DBN1: variants seen among roughly 807,000 people sequenced by gnomAD.
DBN1 encodes drebrin.
Under a neutral mutation model 83.5 loss-of-function variants are expected in DBN1, and 21 were observed. That is an observed-to-expected ratio of 0.25 (90% CI 0.18 to 0.36). The LOEUF (loss-of-function observed/expected upper bound fraction) is 0.36, where lower values mean the gene tolerates loss of function less well. DBN1 is among the 10% of genes least tolerant of loss of function. The pLI is 1.00. For missense variants in DBN1, 874 were observed against 935.7 expected, an observed-to-expected ratio of 0.93 and a Z score of 0.86; for synonymous variants, 381 against 384.9, an observed-to-expected ratio of 0.99 and a Z score of 0.12.
Position 177,467,000 on chromosome 5 carries a change from G to C in DBN1, c.618C>G (p.Phe206Leu). The stretch of plus-strand genomic sequence containing the variant: ...GCTCCTGCTCCATCCGCTCCTGCTC[G>C]AACCTGAGCCTCTCATCCAGGGCCT... ...RKKALDERLR[F>L]EQERMEQERQ... is the part of the protein sequence containing the mutation. Residue 206 changes from phenylalanine (F) to leucine (L), a missense_variant, in exon 7 of 15, where the codon TTC becomes TTG. Transcript: ENST00000393565. This position sits in a 1 kb window ranked among gnomAD's most constrained non-coding sequence, Gnocchi z 4.8. 1.2e-6 allele frequency: 2 copies of C among 1,613,608 alleles called. No individual in the cohort carries two copies. The highest frequency in any genetic ancestry group is 1.7e-6 in the Non-Finnish European group (2 of 1,179,906).
chr5:177,461,768 T>C (rs973704276), intron 8 of DBN1, among the ~76,000 whole-genome samples: 2 of 152,194 alleles, frequency 1.3e-5, no homozygotes, highest in East Asian at 1.9e-4. Context: ...TGAAAGGACC[T>C]TTCCAAAATG....
At chr5:177,463,566 A>G (rs1757198218) in intron 8 of DBN1, among the ~76,000 whole-genome samples, 1 of 152,210 alleles carries the variant, frequency 6.6e-6, no homozygotes, top group African/African-American at 2.4e-5. Context: ...GCCAAGAGAA[A>G]GCATTTCACA....
intron 8 of DBN1, among the ~76,000 whole-genome samples, chr5:177,462,904 T>C (rs1327729735): frequency 1.3e-5 from 2 of 152,070 alleles, no homozygotes; most frequent in Non-Finnish European, 2.9e-5. Context: ...GCCCACGGGG[T>C]TCCAGTCAGC....
Position 177,473,418 on chromosome 5 carries a change from CG to C in DBN1, c.86+17del. The stretch of plus-strand genomic sequence containing the variant: ...GGCGCGGGGACAAAGGGGCCGGGGG[CG>C]GGGGCGGGGGGCTCACCAGTCGGCC... On this transcript the variant is annotated intron_variant, in intron 1 of 14. Transcript: ENST00000393565. 3 of 1,295,078 alleles carry C rather than the reference CG, an allele frequency of 2.3e-6. No homozygotes were observed. Among genetic ancestry groups the C allele is most frequent in the East Asian group, 3.2e-5 (1 of 31,394 alleles). 80.2% of individuals were successfully genotyped at this position (1,295,078 alleles called of 1,614,324 possible).
In DBN1 at chr5:177,466,339, GGCTGCTCCCAGGGAGAT is replaced by G. The variant is rs1757438968; in HGVS notation, c.771+416_771+432del. ...TCAGACAGTACCCCTGGAACAAAGG[GGCTGCTCCCAGGGAGAT>G]GCTGCTCCCAAGGAGATGGTACACA... On this transcript the variant is annotated intron_variant, in intron 8 of 14. Transcript: ENST00000393565. The surrounding 1 kb of genome is among the most constrained non-coding windows in gnomAD (Gnocchi z 4.8). 6.6e-6 allele frequency among the ~76,000 whole-genome samples: 1 copy of G among 152,208 alleles called. No homozygotes were observed. The highest frequency in any genetic ancestry group is 2.1e-4 in the South Asian group (1 of 4,828).
rs1161537009 is a variant in DBN1, at chr5:177,458,501, C to T, written c.1471G>A (p.Glu491Lys). Reference protein sequence around the residue: ...PVEPATADATEIHDAADTIET... With the variant: ...PVEPATADATKIHDAADTIET... ...ATGGTGTCAGCTGCATCGTGGATCT[C>T]CGTGGCGTCAGCTGTGGCAGGCTCC... is the stretch of plus-strand genomic sequence containing the variant. Residue 491 changes from glutamate (E) to lysine (K), a missense_variant, in exon 13 of 15, where the codon GAG becomes AAG. This residue lies in a region of DBN1 where 725 missense variants were observed against 719.7 expected (regional missense o/e 1.01). Coordinates refer to ENST00000393565, the MANE Select transcript of DBN1 (RefSeq NM_001363541.2). 1 of 1,613,734 alleles carries T rather than the reference C, an allele frequency of 6.2e-7. No homozygotes were observed. The highest frequency in any genetic ancestry group is 8.5e-7 in the Non-Finnish European group (1 of 1,179,614).
chr5:177,460,743 C>A (rs758323551), intron 8 of DBN1, 40 bp from the exon 9 acceptor site: 9 of 1,603,676 alleles, frequency 5.6e-6, no homozygotes, highest in South Asian at 2.2e-5. Context: ...ACCTACCCCC[C>A]ACAGGGGCTT....
chr5:177,460,886 C>T (rs575131834), intron 8 of DBN1, among the ~76,000 whole-genome samples, 183 bp from the exon 9 acceptor site: 1 of 152,154 alleles, frequency 6.6e-6, no homozygotes, highest in East Asian at 1.9e-4. Flanking sequence ...CTCAAGCAAT[C>T]CTCCCACCTC....
chr5:177,465,160 T>C (rs1757357384), intron 8 of DBN1, among the ~76,000 whole-genome samples: 1 of 151,964 alleles, frequency 6.6e-6, no homozygotes, highest in Non-Finnish European at 1.5e-5. Context: ...CTCAAAAAAA[T>C]TTAAAAAATA....
rs1581732984 is a variant in DBN1 at position 177,467,906 on chromosome 5, T to G, written c.256-89A>C. 1 of 1,493,552 alleles carries G rather than the reference T, an allele frequency of 6.7e-7. No individual in the cohort carries two copies. Among genetic ancestry groups the G allele is most frequent in the South Asian group, 1.2e-5 (1 of 85,756 alleles). 92.5% of individuals were successfully genotyped at this position (1,493,552 alleles called of 1,614,324 possible). ...CATCTTCCCCGGGGTGGGAAGAGGG[T>G]GGGCTTCCCTCTCCACGGGTGTCAG... is the stretch of plus-strand genomic sequence containing the variant. On this transcript the variant is annotated intron_variant, in intron 3 of 14. Transcript: ENST00000393565. The surrounding 1 kb of genome is among the most constrained non-coding windows in gnomAD (Gnocchi z 9.1).
At chr5:177,462,576 T>A (rs960564765) in intron 8 of DBN1, among the ~76,000 whole-genome samples, 5 of 151,986 alleles carry the variant, frequency 3.3e-5, no homozygotes, top group Non-Finnish European at 4.4e-5. Flanking sequence ...TCCGGGTGGG[T>A]GGCCAGCACA....
rs1185920337 is a variant in DBN1, at chr5:177,456,613, G to A, written c.*820C>T. The A allele has an allele frequency of 7.0e-6, 1 of 142,946 alleles. No homozygotes were observed. Among genetic ancestry groups the A allele is most frequent in the African/African-American group, 2.6e-5 (1 of 38,468 alleles). The allele number at this position is 142,946 out of a possible 1,614,324, so 8.9% of individuals were successfully genotyped here. A position where few individuals can be genotyped will look rare whatever the true frequency, so the allele number is the denominator to read the frequency against. On this transcript the variant is annotated 3_prime_UTR_variant, in exon 15 of 15. Coordinates refer to ENST00000393565, the MANE Select transcript of DBN1 (RefSeq NM_001363541.2). ...GGTCAGGGCAGGCGGCAGCCCGAAG[G>A]GATCTGGATTTCTTTATTAACAGAC... is the stretch of plus-strand genomic sequence containing the variant.
At chr5:177,464,511 G>C (rs942450318) in intron 8 of DBN1, among the ~76,000 whole-genome samples, 3 of 151,890 alleles carry the variant, frequency 2.0e-5, no homozygotes, top group Non-Finnish European at 4.4e-5. Flanking sequence ...TGTAATTCCA[G>C]CACTTTGGGA....
intron 1 of DBN1, 42 bp downstream of exon 1, chr5:177,473,394 G>T: frequency 8.4e-7 from 1 of 1,186,236 alleles, no homozygotes; most frequent in Non-Finnish European, 1.1e-6. Flanking sequence ...CGCGGCGGCG[G>T]CGCGGGGACA....
chr5:177,469,590 T>C (rs1338369556), intron 1 of DBN1, among the ~76,000 whole-genome samples: 1 of 152,220 alleles, frequency 6.6e-6, no homozygotes, highest in African/African-American at 2.4e-5. Context: ...GCTGCCTCAG[T>C]CCTGGCTGAG....
chr5:177,463,138 G>A (rs566743516), intron 8 of DBN1, among the ~76,000 whole-genome samples: 3 of 152,002 alleles, frequency 2.0e-5, no homozygotes, highest in East Asian at 1.9e-4. Context: ...CCGGGTTCAC[G>A]CCATTCTCCT....
chr5:177,473,501 G>C lies in DBN1; in HGVS notation c.21C>G (p.Ser7Arg). ...CCGCCAGCAGCTCCAGGCGGTGGCC[G>C]CTGAAGCTGACGCCGGCCATGCTTC... Reference protein sequence around the residue: MAGVSFSGHRLELLAAY... With the variant: MAGVSFRGHRLELLAAY... Residue 7 changes from serine to arginine, a missense_variant, in exon 1 of 15, where the codon AGC (serine) becomes AGG (arginine). Transcript: ENST00000393565. The C allele has an allele frequency of 7.0e-7, 1 of 1,431,062 alleles. No individual in the cohort carries two copies. 88.6% of individuals were successfully genotyped at this position (1,431,062 alleles called of 1,614,324 possible). A position where few individuals can be genotyped will look rare whatever the true frequency, so the allele number is the denominator to read the frequency against.
At chr5:177,457,995 G>C (rs1467155038) in intron 13 of DBN1, 63 bp downstream of exon 13, 2 of 1,603,104 alleles carry the variant, frequency 1.2e-6, no homozygotes, top group African/African-American at 1.3e-5. Context: ...AGGAATGCAG[G>C]GCCAGCACCC....
chr5:177,468,814 AGGC>A (rs1306297429), intron 2 of DBN1, 27 bp downstream of exon 2: 50 of 1,317,280 alleles, frequency 3.8e-5, no homozygotes, highest in Non-Finnish European at 4.5e-5. Flanking sequence ...GGGGTGGAGA[AGGC>A]GGCGAGGGAA....
Sources: gnomAD v4.1 joint callset for allele counts (sites outside exome capture counted in the v4.1 genomes callset) on GRCh38, gnomAD v4.1.1 for gene constraint, gnomAD v4.1.1 regional missense constraint, Gnocchi (gnomAD v3.1) non-coding constraint, MANE v1.5 for transcripts, NCBI Gene and HGNC (gene_info 2026-07-23, HGNC 2026-07-21) for gene names.